Variants in ARMC7 observed in about 807,000 individuals in gnomAD.
The protein encoded by ARMC7 is armadillo repeat-containing protein 7.
A neutral mutation model predicts 14.8 loss-of-function variants in ARMC7; 9 were observed. The ratio of observed to expected loss-of-function variants is 0.61; its 90% CI spans 0.37 to 1.06. ARMC7 has a LOEUF of 1.06. Among genes scored for constraint, ARMC7 ranks in the 50% least tolerant of loss-of-function variants. The probability of loss-of-function intolerance (pLI) is 0.01; values close to 1 mark genes in which losing one functional copy is unlikely to be tolerated. For missense variants in ARMC7, 262 were observed against 267.1 expected, an observed-to-expected ratio of 0.98 and a Z score of 0.13; for synonymous variants, 125 against 123.4, an observed-to-expected ratio of 1.01 and a Z score of -0.09.
chr17:75,122,331 A>C (rs1948733983), intron 2 of ARMC7, among the ~76,000 whole-genome samples: 1 of 151,930 alleles, frequency 6.6e-6, no homozygotes, highest in South Asian at 2.1e-4. Flanking sequence ...GTCTCAAAAC[A>C]AAAACAAAAA....
rs549730217 is a variant in ARMC7, at chr17:75,112,573, C to CTT, written c.235+1986_235+1987dup. The stretch of plus-strand genomic sequence containing the variant: ...AAATCTCTCTTTTTATTCTCTTTTT[C>CTT]TTTTTTTTTTTTTTTTTTTTGAGAT... On this transcript the variant is annotated intron_variant, in intron 2 of 2. Transcript: ENST00000245543. Among the ~76,000 whole-genome samples the CTT allele has an allele frequency of 3.8e-3, 385 of 100,432 alleles. 6 individuals carry two copies. Among genetic ancestry groups the CTT allele is most frequent in the African/African-American group, 0.011 (308 of 28,366 alleles). The allele number at this position is 100,432 out of a possible 152,430, so 65.9% of individuals were successfully genotyped here. A position where few individuals can be genotyped will look rare whatever the true frequency, so the allele number is the denominator to read the frequency against.
Position 75,128,730 on chromosome 17 carries a change from G to T in ARMC7, c.289G>T (p.Ala97Ser). 2 of 1,613,614 alleles carry T rather than the reference G, an allele frequency of 1.2e-6. No individual in the cohort carries two copies. Among genetic ancestry groups the T allele is most frequent in the Non-Finnish European group, 1.7e-6 (2 of 1,179,998 alleles). The part of the protein sequence containing the change: ...DRANKEHILH[A>S]GGVPLIINCL... ...GGCCAACAAGGAGCACATCCTGCAC[G>T]CAGGAGGTGTCCCACTCATCATCAA... The change falls in exon 3 of 3, where the codon GCA (alanine) becomes TCA (serine). Residue 97 changes from alanine to serine, a missense_variant. Transcript: ENST00000245543.
rs183771916 is a variant in ARMC7, at chr17:75,111,875, C to T, written c.235+1269C>T. The stretch of plus-strand genomic sequence containing the variant: ...ATTCACTGGGTAGATATTTATTGCG[C>T]GTGTACCGTATATGCAAGCTACTGC... On this transcript the variant is annotated intron_variant, in intron 2 of 2. Coordinates refer to ENST00000245543, the MANE Select transcript of ARMC7 (RefSeq NM_024585.4). 1.2e-3 allele frequency among the ~76,000 whole-genome samples: 178 copies of T among 151,572 alleles called. 13 individuals carry two copies. The highest frequency in any genetic ancestry group is 4.3e-3 in the African/African-American group (175 of 40,892).
intron 2 of ARMC7, among the ~76,000 whole-genome samples, chr17:75,122,810 A>G (rs986296174): frequency 6.6e-6 from 1 of 151,964 alleles, no homozygotes; most frequent in African/African-American, 2.4e-5. Context: ...GCAACAGCCA[A>G]TATTTTGACA....
At chr17:75,121,975 T>A (rs546881974) in intron 2 of ARMC7, among the ~76,000 whole-genome samples, 2 of 152,188 alleles carry the variant, frequency 1.3e-5, no homozygotes, top group Non-Finnish European at 2.9e-5. Context: ...TTTGCCTTTT[T>A]ACTGTGTTAA....
chr17:75,129,911 A>G lies in ARMC7; in HGVS notation c.*873A>G, dbSNP rs1428122348. The G allele has an allele frequency of 6.5e-6, 1 of 153,160 alleles. No individual in the cohort carries two copies. The highest frequency in any genetic ancestry group is 2.4e-5 in the African/African-American group (1 of 41,426). The allele number at this position is 153,160 out of a possible 1,614,324, so 9.5% of individuals were successfully genotyped here. ...ATCAGGGACGCAGTGAGTGTTGCTC[A>G]AGGGAGTCAGGAAGAGACGGCAACG... On this transcript the variant is annotated 3_prime_UTR_variant, in exon 3 of 3. Coordinates refer to ENST00000245543, the MANE Select transcript of ARMC7 (RefSeq NM_024585.4).
chr17:75,123,835 C>T (rs988832001), intron 2 of ARMC7, among the ~76,000 whole-genome samples: 9 of 151,808 alleles, frequency 5.9e-5, no homozygotes, highest in Non-Finnish European at 1.2e-4. Context: ...TGCTTGAACC[C>T]GGGAGGCGGA....
intron 2 of ARMC7, among the ~76,000 whole-genome samples, chr17:75,112,573 C>CTTT (rs549730217): frequency 0.016 from 1,565 of 100,416 alleles, 23 homozygotes; most frequent in Non-Finnish European, 0.028. Context: ...TTCTCTTTTT[C>CTTT]TTTTTTTTTT....
chr17:75,111,315 G>A (rs963306401), intron 2 of ARMC7, among the ~76,000 whole-genome samples: 6 of 151,544 alleles, frequency 4.0e-5, no homozygotes, highest in African/African-American at 1.5e-4. Flanking sequence ...GCATGGTGGT[G>A]GGCGCCTGTA....
rs1047013349 is a variant in ARMC7, at chr17:75,129,761, G to T, written c.*723G>T. On this transcript the variant is annotated 3_prime_UTR_variant, in exon 3 of 3. Transcript: ENST00000245543. The stretch of plus-strand genomic sequence containing the variant: ...CAGGTGATGATACGTCGGAATAGAG[G>T]CACCAGCCCTGGTAACTGCATCTTC... 6.6e-6 allele frequency: 1 copy of T among 152,446 alleles called. No homozygotes were observed. The highest frequency in any genetic ancestry group is 1.5e-5 in the Non-Finnish European group (1 of 68,260). 9.4% of individuals were successfully genotyped at this position (152,446 alleles called of 1,614,324 possible).
chr17:75,113,027 A>G (rs956448556), intron 2 of ARMC7, among the ~76,000 whole-genome samples: 4 of 150,902 alleles, frequency 2.7e-5, no homozygotes, highest in Admixed American at 2.6e-4. Context: ...ATTTTATTTT[A>G]TTTTATTTTA....
Position 75,128,858 on chromosome 17 carries a change from G to A in ARMC7, c.417G>A (p.Thr139=), listed in dbSNP as rs771230796. The change falls in exon 3 of 3, where the codon ACG becomes ACA. Residue 139 remains threonine, a synonymous_variant. Transcript: ENST00000245543. The part of the protein sequence containing the change: ...GRSFLPELTA[T]PVVQCMLRFS... The stretch of plus-strand genomic sequence containing the variant: ...GCTTTCTCCCAGAGCTGACCGCCAC[G>A]CCCGTGGTGCAGTGCATGCTTCGCT... The A allele has an allele frequency of 1.8e-5, 29 of 1,612,594 alleles. No homozygotes were observed. Among genetic ancestry groups the A allele is most frequent in the Admixed American group, 8.3e-5 (5 of 59,994 alleles).
intron 2 of ARMC7, among the ~76,000 whole-genome samples, chr17:75,119,572 C>T (rs554618179): frequency 0.016 from 2,355 of 150,906 alleles, 23 homozygotes; most frequent in Non-Finnish European, 0.023. Flanking sequence ...CCTCAGCCTT[C>T]CCAGCAGCTG....
Position 75,110,177 on chromosome 17 carries a change from C to A in ARMC7, c.-112C>A. 9.7e-7 allele frequency: 1 copy of A among 1,034,690 alleles called. No homozygotes were observed. Among genetic ancestry groups the A allele is most frequent in the Non-Finnish European group, 1.4e-6 (1 of 730,632 alleles). 64.1% of individuals were successfully genotyped at this position (1,034,690 alleles called of 1,614,324 possible). ...CCAGGAAAGAAACCCATTTGCCGAC[C>A]CCCTCTTCCCTCTCCAGACAGGTGG... On this transcript the variant is annotated 5_prime_UTR_variant, in exon 1 of 3. Transcript: ENST00000245543.
intron 2 of ARMC7, 104 bp downstream of exon 2, chr17:75,110,710 C>G: frequency 2.7e-6 from 4 of 1,456,240 alleles, no homozygotes; most frequent in Non-Finnish European, 3.7e-6. Flanking sequence ...CACCTGTAAT[C>G]CCAGCAGTTT....
Position 75,128,845 on chromosome 17 carries a change from A to G in ARMC7, c.404A>G (p.Glu135Gly). 6.2e-7 allele frequency: 1 copy of G among 1,613,002 alleles called. No homozygotes were observed. The highest frequency in any genetic ancestry group is 8.5e-7 in the Non-Finnish European group (1 of 1,179,956). The change falls in exon 3 of 3, where the codon GAG (glutamate) becomes GGG (glycine). Residue 135 changes from glutamate to glycine, a missense_variant. By Grantham distance (98) the Glu-to-Gly change is moderately conservative. Coordinates refer to ENST00000245543, the MANE Select transcript of ARMC7 (RefSeq NM_024585.4). Reference sequence around the variant, plus strand: ...CCGCCGGGCCGCAGCTTTCTCCCAGAGCTGACCGCCACGCCCGTGGTGCAG... The same window carrying G: ...CCGCCGGGCCGCAGCTTTCTCCCAGGGCTGACCGCCACGCCCGTGGTGCAG... ...LSPPGRSFLP[E>G]LTATPVVQCM...
At chr17:75,114,185 G>A in intron 2 of ARMC7, 1 of 401,238 alleles carries the variant, frequency 2.5e-6, no homozygotes. Flanking sequence ...CAGTCTGAAC[G>A]GTGACGGTGG....
intron 2 of ARMC7, among the ~76,000 whole-genome samples, chr17:75,119,454 T>TTTTG (rs1284415750): frequency 4.2e-5 from 6 of 141,444 alleles, no homozygotes; most frequent in African/African-American, 1.7e-4. Context: ...CAGTTTTTTC[T>TTTTG]TTTTTTTTTT....
chr17:75,126,132 TGA>T (rs1355656089), intron 2 of ARMC7, among the ~76,000 whole-genome samples: 9 of 152,144 alleles, frequency 5.9e-5, no homozygotes, highest in African/African-American at 2.2e-4. Context: ...GCAAATGAGC[TGA>T]GAGGTGGCTT....
Sources: gnomAD v4.1 joint callset for allele counts (sites outside exome capture counted in the v4.1 genomes callset) on GRCh38, gnomAD v4.1.1 for gene constraint, MANE v1.5 for transcripts, NCBI Gene and HGNC (gene_info 2026-07-23, HGNC 2026-07-21) for gene names.